The following BAHCC1 variants were observed in gnomAD, a reference collection of about 807,000 sequenced individuals.
BAHCC1 encodes BAH and coiled-coil domain-containing protein 1.
A neutral mutation model predicts 88.2 loss-of-function variants in BAHCC1; 43 were observed. The observed-to-expected ratio is 0.49, with a 90% CI of 0.38 to 0.63. The LOEUF (loss-of-function observed/expected upper bound fraction) is 0.63. Ranked by LOEUF, BAHCC1 falls within the 20% of genes least tolerant of loss-of-function variation. BAHCC1 has a pLI of 0.00. For synonymous variants in BAHCC1, 1,510 were observed against 745.5 expected (o/e 2.03, Z -16.71); for missense variants, 3,023 against 1,654.8 (o/e 1.83, Z -14.34).
chr17:81,425,124 ATAGTGGTGGG>A, intron 2 of BAHCC1, among the ~76,000 whole-genome samples: 4 of 72,862 alleles, frequency 5.5e-5, no homozygotes, highest in African/African-American at 1.2e-4. Context: ...GTTGGGGGTG[ATAGTGGTGGG>A]TGATGTGGTT....
Position 81,411,025 on chromosome 17 carries a change from G to T in BAHCC1, c.178+11108G>T, listed in dbSNP as rs1055259938. ...CTGGGTCTTTGTTGTCCATATGTCT[G>T]TGTGAAGGCCTGGGGCCCCCGTGCG... is the stretch of plus-strand genomic sequence containing the variant. On this transcript the variant is annotated intron_variant, in intron 2 of 27. Coordinates refer to ENST00000675386, the MANE Select transcript of BAHCC1 (RefSeq NM_001377448.1). The surrounding 1 kb of genome is among the most constrained non-coding windows in gnomAD (Gnocchi z 6.2). 5.8e-6 allele frequency: 3 copies of T among 515,892 alleles called. No individual in the cohort carries two copies. Among genetic ancestry groups the T allele is most frequent in the Admixed American group, 2.0e-5 (1 of 50,990 alleles). 32.0% of individuals were successfully genotyped at this position (515,892 alleles called of 1,614,324 possible).
rs1370075457 is a variant in BAHCC1, at chr17:81,411,436, G to A, written c.178+11519G>A. ...AATTGATCAGGGAGGGTGGGGTTGG[G>A]GGGGAACAGGGTCCTTGAGGTCGTC... On this transcript the variant is annotated intron_variant, in intron 2 of 27. Coordinates refer to ENST00000675386, the MANE Select transcript of BAHCC1 (RefSeq NM_001377448.1). The surrounding 1 kb of genome is among the most constrained non-coding windows in gnomAD (Gnocchi z 6.2). 5.6e-6 allele frequency: 2 copies of A among 359,800 alleles called. No homozygotes were observed. Among genetic ancestry groups the A allele is most frequent in the South Asian group, 4.0e-5 (2 of 49,936 alleles). The allele number at this position is 359,800 out of a possible 1,614,324, so 22.3% of individuals were successfully genotyped here.
chr17:81,416,764 G>A (rs1243349548), intron 2 of BAHCC1, among the ~76,000 whole-genome samples: 3 of 152,242 alleles, frequency 2.0e-5, no homozygotes, highest in Non-Finnish European at 4.4e-5. Flanking sequence ...TGGAGCCTGT[G>A]TCATTGACGT....
chr17:81,443,901 C>T lies in BAHCC1; in HGVS notation c.2308C>T (p.Arg770Cys), dbSNP rs1270185198. 7.0e-6 allele frequency: 5 copies of T among 711,932 alleles called. No homozygotes were observed. The highest frequency in any genetic ancestry group is 1.0e-5 in the Non-Finnish European group (4 of 384,828). The allele number at this position is 711,932 out of a possible 1,614,324, so 44.1% of individuals were successfully genotyped here. A position where few individuals can be genotyped will look rare whatever the true frequency, so the allele number is the denominator to read the frequency against. ...TGATGACCGCCTGGGGCTTGCCAGC[C>T]GCGAGCTGCTGCTGCAGTGAGAGCT... is the stretch of plus-strand genomic sequence containing the variant. ...LCDDRLGLAS[R>C]ELLLQDSKDR... is the part of the protein sequence containing the mutation. Residue 770 changes from arginine to cysteine, a missense_variant, in exon 6 of 28, where the codon CGC (arginine) becomes TGC (cysteine). Arg to Cys is a radical substitution (Grantham distance 180, BLOSUM62 -3). Transcript: ENST00000675386.
rs1339694117 is a variant in BAHCC1 at position 81,445,359 on chromosome 17, G to A, written c.2841G>A (p.Lys947=). 1.3e-6 allele frequency: 1 copy of A among 774,254 alleles called. No homozygotes were observed. The highest frequency in any genetic ancestry group is 2.4e-6 in the Non-Finnish European group (1 of 416,016). The allele number at this position is 774,254 out of a possible 1,614,324, so 48.0% of individuals were successfully genotyped here. A position where few individuals can be genotyped will look rare whatever the true frequency, so the allele number is the denominator to read the frequency against. Residue 947 remains lysine, a synonymous_variant, in exon 10 of 28, where the codon AAG becomes AAA. Coordinates refer to ENST00000675386, the MANE Select transcript of BAHCC1 (RefSeq NM_001377448.1). ...CTTGCCCCCATCCCTGACAGCGGAA[G>A]CCCGAAGACCAGCACCTGGATCTGG... ...QQQRAAQFQR[K]PEDQHLDLEE... is the part of the protein sequence containing the mutation.
At chr17:81,452,203 G>A (rs1315425087) in intron 13 of BAHCC1, 96 bp downstream of exon 13, 2 of 535,030 alleles carry the variant, frequency 3.7e-6, no homozygotes, top group East Asian at 6.7e-5. Context: ...AACAGGCCAG[G>A]ATTGGGCTCT....
At chr17:81,419,639 G>A (rs1039868602) in intron 2 of BAHCC1, among the ~76,000 whole-genome samples, 18 of 150,742 alleles carry the variant, frequency 1.2e-4, no homozygotes, top group Admixed American at 3.3e-4. Flanking sequence ...GGGGGTGGGA[G>A]CTGACGCAGG....
intron 11 of BAHCC1, 21 bp downstream of exon 11, chr17:81,447,869 C>T (rs1226517053): frequency 1.4e-6 from 1 of 718,460 alleles, no homozygotes; most frequent in East Asian, 2.7e-5. Context: ...TGGTTGCCGC[C>T]ACCCCCCAGA....
In BAHCC1 at chr17:81,447,484, G is replaced by T. The variant is rs1223651723; in HGVS notation, c.3612G>T (p.Glu1204Asp). 4.0e-6 allele frequency: 3 copies of T among 743,080 alleles called. No individual in the cohort carries two copies. The allele number at this position is 743,080 out of a possible 1,614,324, so 46.0% of individuals were successfully genotyped here. A position where few individuals can be genotyped will look rare whatever the true frequency, so the allele number is the denominator to read the frequency against. Residue 1204 changes from glutamate (E) to aspartate (D), a missense_variant, in exon 11 of 28, where the codon GAG (glutamate) becomes GAT (aspartate). Transcript: ENST00000675386. ...PSSGASSQVL[E>D]QRAGSPGALE... ...CAGGGGCCTCCTCCCAAGTCCTGGA[G>T]CAGCGAGCAGGGAGTCCGGGTGCCC... is the stretch of plus-strand genomic sequence containing the variant.
At chr17:81,415,671 T>C in intron 2 of BAHCC1, 1 of 427,762 alleles carries the variant, frequency 2.3e-6, no homozygotes, top group Non-Finnish European at 4.6e-6. Flanking sequence ...AGGAGTGACC[T>C]GAGTCCCCTC....
In BAHCC1 at chr17:81,464,022, A is replaced by G. The variant is rs1163150531; in HGVS notation, c.*205A>G. 8.4e-6 allele frequency: 5 copies of G among 594,780 alleles called. No individual in the cohort carries two copies. The highest frequency in any genetic ancestry group is 1.5e-5 in the Non-Finnish European group (5 of 332,968). The allele number at this position is 594,780 out of a possible 1,614,324, so 36.8% of individuals were successfully genotyped here. On this transcript the variant is annotated 3_prime_UTR_variant, in exon 28 of 28. Transcript: ENST00000675386. ...AGGTGTCGGAATCCAGTCCCGTCCC[A>G]TCCTCTGCGGAGGGTCGGGCTGTGG... is the stretch of plus-strand genomic sequence containing the variant.
chr17:81,451,947 A>G (rs782236064), intron 12 of BAHCC1, 24 bp from the exon 13 acceptor site: 1 of 616,264 alleles, frequency 1.6e-6, no homozygotes, highest in Non-Finnish European at 2.9e-6. Context: ...CCCGGCTCAC[A>G]GGCCCCTGTG....
chr17:81,447,659 T>G lies in BAHCC1; in HGVS notation c.3787T>G (p.Leu1263Val), dbSNP rs2064557787. 1 of 739,912 alleles carries G rather than the reference T, an allele frequency of 1.4e-6. No homozygotes were observed. 45.8% of individuals were successfully genotyped at this position (739,912 alleles called of 1,614,324 possible). A position where few individuals can be genotyped will look rare whatever the true frequency, so the allele number is the denominator to read the frequency against. The part of the protein sequence containing the change: ...PPRALPGLDA[L>V]VAATINLGDL... ...CAGGGCGCTACCAGGCCTGGATGCC[T>G]TGGTGGCCGCCACCATCAACCTGGG... Residue 1263 changes from leucine to valine, a missense_variant, in exon 11 of 28, where the codon TTG becomes GTG. Transcript: ENST00000675386.
chr17:81,459,988 G>A (rs538356860), intron 23 of BAHCC1, among the ~76,000 whole-genome samples: 1 of 152,292 alleles, frequency 6.6e-6, no homozygotes. Flanking sequence ...GGCGGGAGGC[G>A]CCTCCAGGCG....
At chr17:81,446,918 A>G (rs1426903046) in intron 10 of BAHCC1, 118 bp from the exon 11 acceptor site, 1 of 694,064 alleles carries the variant, frequency 1.4e-6, no homozygotes, top group Non-Finnish European at 2.6e-6. Context: ...CAGCTAGCCC[A>G]GGGCCCTTCC....
intron 1 of BAHCC1, 56 bp downstream of exon 1, chr17:81,395,691 T>C (rs1555644781): frequency 6.6e-6 from 1 of 152,152 alleles, no homozygotes; most frequent in Non-Finnish European, 1.5e-5. Context: ...TTATTATTAT[T>C]TTATTTTTTA....
intron 4 of BAHCC1, among the ~76,000 whole-genome samples, chr17:81,439,380 G>GGGGGCA (rs1555652174): frequency 6.6e-6 from 1 of 152,086 alleles, no homozygotes; most frequent in African/African-American, 2.4e-5. Flanking sequence ...GAGGGAGATT[G>GGGGGCA]GGGGCAGGGA....
At position 81,434,526 on chromosome 17, in the gene BAHCC1, C is replaced by T. The variant is rs1425977861; in HGVS notation, c.359-3844C>T. On this transcript the variant is annotated intron_variant, in intron 3 of 27. Coordinates refer to ENST00000675386, the MANE Select transcript of BAHCC1 (RefSeq NM_001377448.1). The surrounding 1 kb of genome is among the most constrained non-coding windows in gnomAD (Gnocchi z 4.9). ...CACCCCCAGAAGTTTGCTGAGCCTG[C>T]AGCATCCTGGCCCTGAGCTCTGTGG... is the stretch of plus-strand genomic sequence containing the variant. Among the ~76,000 whole-genome samples, 1 of 152,162 alleles carries T rather than the reference C, an allele frequency of 6.6e-6. No individual in the cohort carries two copies. Among genetic ancestry groups the T allele is most frequent in the Non-Finnish European group, 1.5e-5 (1 of 68,010 alleles).
chr17:81,452,613 G>A (rs548095140), intron 13 of BAHCC1, 110 bp from the exon 14 acceptor site: 74 of 556,236 alleles, frequency 1.3e-4, no homozygotes, highest in Non-Finnish European at 2.2e-4. Flanking sequence ...AGTCTGGGCC[G>A]CATCTTTCCC....
Sources: gnomAD v4.1 joint callset for allele counts (sites outside exome capture counted in the v4.1 genomes callset) on GRCh38, gnomAD v4.1.1 for gene constraint, Gnocchi (gnomAD v3.1) non-coding constraint, MANE v1.5 for transcripts, NCBI Gene and HGNC (gene_info 2026-07-23, HGNC 2026-07-21) for gene names.